Variants in SLC7A9 observed in about 807,000 individuals in gnomAD.
SLC7A9 encodes the protein B(0,+)-type amino acid transporter 1.
A neutral mutation model predicts 54.1 loss-of-function variants in SLC7A9; 38 were observed. The ratio of observed to expected loss-of-function variants is 0.70; its 90% CI spans 0.54 to 0.92. The LOEUF is 0.92. Ranked by LOEUF, SLC7A9 falls within the 40% of genes least tolerant of loss-of-function variation. SLC7A9 has a pLI of 0.00. For missense variants in SLC7A9, 537 were observed against 636.1 expected, an observed-to-expected ratio of 0.84 and a Z score of 1.68; for synonymous variants, 264 against 258.9, an observed-to-expected ratio of 1.02 and a Z score of -0.19.
intron 9 of SLC7A9, among the ~76,000 whole-genome samples, chr19:32,854,551 A>T (rs1968562728): frequency 6.6e-6 from 1 of 152,156 alleles, no homozygotes; most frequent in South Asian, 2.1e-4. Flanking sequence ...AGGAGAAAAC[A>T]GGCAAGCTCT....
rs55771650 is a variant in SLC7A9 at position 32,840,236 on chromosome 19, G to A, written c.1224+1932C>T. Among the ~76,000 whole-genome samples the A allele has an allele frequency of 5.1e-3, 771 of 152,078 alleles. 8 individuals carry two copies. The highest frequency in any genetic ancestry group is 0.018 in the African/African-American group (726 of 41,462). ...TGCCCAGGCTGGAGTGCAGTGGCACGATCTTGGCTCACTGCAGCCTTGACC... is the reference window on the plus strand; with the variant it reads ...TGCCCAGGCTGGAGTGCAGTGGCACAATCTTGGCTCACTGCAGCCTTGACC... On this transcript the variant is annotated intron_variant, in intron 11 of 12. Transcript: ENST00000023064.
At chr19:32,836,106 G>C (rs183821411) in intron 11 of SLC7A9, among the ~76,000 whole-genome samples, 2,561 of 152,078 alleles carry the variant, frequency 0.017, 41 homozygotes, top group Middle Eastern at 0.031. Flanking sequence ...GTAGAGACAG[G>C]GTTTCACCAT....
At chr19:32,842,758 A>G (rs1268926551) in intron 10 of SLC7A9, among the ~76,000 whole-genome samples, 1 of 152,052 alleles carries the variant, frequency 6.6e-6, no homozygotes, top group Non-Finnish European at 1.5e-5. Context: ...GATTATAGGC[A>G]GGCACCACCA....
chr19:32,834,679 A>C (rs1220827093), intron 11 of SLC7A9, among the ~76,000 whole-genome samples: 1 of 152,118 alleles, frequency 6.6e-6, no homozygotes, highest in African/African-American at 2.4e-5. Flanking sequence ...ATCCTTTTTC[A>C]AGGACAGAGA....
rs879096200 is a variant in SLC7A9, at chr19:32,860,787, T to C, written c.705-137A>G. The C allele has an allele frequency of 3.2e-6, 4 of 1,264,956 alleles. No homozygotes were observed. In the East Asian group the frequency reaches 1.0e-4, roughly 32 times the overall value. 78.4% of individuals were successfully genotyped at this position (1,264,956 alleles called of 1,614,324 possible). On this transcript the variant is annotated intron_variant, in intron 6 of 12. Transcript: ENST00000023064. ...TCTCCTGCAGGAATTCCAGGTGAAT[T>C]TTTTTCCAGGTGAATGGCCCTGCTA... is the stretch of plus-strand genomic sequence containing the variant.
intron 2 of SLC7A9, among the ~76,000 whole-genome samples, chr19:32,868,004 G>A (rs1278747044): frequency 6.7e-6 from 1 of 150,164 alleles, no homozygotes; most frequent in Non-Finnish European, 1.5e-5. Flanking sequence ...AGCACTTTGG[G>A]AGGATCACCT....
chr19:32,848,048 GA>G (rs1380822651), intron 9 of SLC7A9, among the ~76,000 whole-genome samples: 1 of 151,800 alleles, frequency 6.6e-6, no homozygotes, highest in African/African-American at 2.4e-5. Flanking sequence ...ACTAAACATG[GA>G]AAGGAACAAC....
chr19:32,849,320 T>C (rs1400881684), intron 9 of SLC7A9, among the ~76,000 whole-genome samples: 1 of 151,914 alleles, frequency 6.6e-6, no homozygotes, highest in Non-Finnish European at 1.5e-5. Flanking sequence ...AAGAATCAAA[T>C]AGACACAATA....
intron 10 of SLC7A9, among the ~76,000 whole-genome samples, chr19:32,842,698 C>G (rs1227644225): frequency 6.6e-6 from 1 of 151,842 alleles, no homozygotes; most frequent in African/African-American, 2.4e-5. Context: ...CTGCAACCTC[C>G]GCCTCCCAAG....
rs759780919 is a variant in SLC7A9, at chr19:32,862,161, T to C, written c.661A>G (p.Ile221Val). ...FEGAQLSVGA[I>V]SLAFYNGLWA... ...AGTCCATTGTAAAACGCCAGGCTGATGGCTCCCACAGACAGCTGGGCGCCC... is the reference window on the plus strand; with the variant it reads ...AGTCCATTGTAAAACGCCAGGCTGACGGCTCCCACAGACAGCTGGGCGCCC... The change falls in exon 6 of 13, where the codon ATC becomes GTC. Residue 221 changes from isoleucine (I) to valine (V), a missense_variant. By Grantham distance (29) the Ile-to-Val change is conservative (BLOSUM62 3). Transcript: ENST00000023064. The C allele has an allele frequency of 1.2e-6, 2 of 1,613,754 alleles. No individual in the cohort carries two copies. Among genetic ancestry groups the C allele is most frequent in the East Asian group, 2.2e-5 (1 of 44,892 alleles).
intron 4 of SLC7A9, 87 bp from the exon 5 acceptor site, chr19:32,862,673 T>TA (rs369294845): frequency 8.5e-5 from 107 of 1,265,004 alleles, no homozygotes; most frequent in South Asian, 7.6e-4. Flanking sequence ...TTTTTATTTT[T>TA]TTTTTTTTTT....
At chr19:32,848,576 A>G (rs1270627784) in intron 9 of SLC7A9, among the ~76,000 whole-genome samples, 6 of 152,304 alleles carry the variant, frequency 3.9e-5, no homozygotes, top group African/African-American at 7.2e-5. Context: ...CTCCCACACA[A>G]TAATAATGGG....
chr19:32,862,052 G>A (rs999014959), intron 6 of SLC7A9, 66 bp downstream of exon 6: 33 of 972,424 alleles, frequency 3.4e-5, no homozygotes, highest in Non-Finnish European at 5.0e-5. Context: ...TCCATGACAG[G>A]TGGAGTTAAA....
intron 9 of SLC7A9, among the ~76,000 whole-genome samples, chr19:32,851,715 T>C (rs996458459): frequency 2.6e-5 from 4 of 152,212 alleles, no homozygotes. Context: ...TAAAGGCACA[T>C]GCACACGTAT....
At chr19:32,864,427 G>T (rs958694709) in intron 3 of SLC7A9, 89 bp from the exon 4 acceptor site, 1 of 1,580,058 alleles carries the variant, frequency 6.3e-7, no homozygotes, top group South Asian at 1.1e-5. Flanking sequence ...GGCTGCGCTC[G>T]TATGGAGGGG....
intron 11 of SLC7A9, among the ~76,000 whole-genome samples, chr19:32,838,897 C>T (rs1320897046): frequency 6.6e-6 from 1 of 150,972 alleles, no homozygotes; most frequent in Admixed American, 6.6e-5. Flanking sequence ...CCCTTAGTCC[C>T]CTTTTAAAGA....
intron 2 of SLC7A9, among the ~76,000 whole-genome samples, chr19:32,865,947 T>C (rs1429437473): frequency 1.4e-5 from 1 of 73,210 alleles, no homozygotes; most frequent in Non-Finnish European, 2.5e-5. Flanking sequence ...TGGGTGACAG[T>C]GAGACTGTCT....
intron 9 of SLC7A9, among the ~76,000 whole-genome samples, chr19:32,852,544 A>G (rs1242595971): frequency 6.6e-6 from 1 of 152,016 alleles, no homozygotes; most frequent in East Asian, 1.9e-4. Context: ...AAGGTCACAT[A>G]CTCTAATTAC....
chr19:32,830,797 T>C, intron 12 of SLC7A9, 113 bp from the exon 13 acceptor site: 6 of 791,180 alleles, frequency 7.6e-6, no homozygotes, highest in Non-Finnish European at 1.3e-5. Context: ...ATGCGTCACC[T>C]AGACCCTGTG....
Sources: allele counts gnomAD v4.1 joint callset (sites outside exome capture counted in the v4.1 genomes callset), GRCh38; gene constraint gnomAD v4.1.1; transcripts MANE v1.5; gene names NCBI Gene and HGNC (gene_info 2026-07-23, HGNC 2026-07-21).